POU6F2: variants seen among roughly 807,000 people sequenced by gnomAD.
The protein encoded by POU6F2 is POU class 6 homeobox 2.
Under a neutral mutation model 71.3 loss-of-function variants are expected in POU6F2, and 31 were observed. That is an observed-to-expected ratio of 0.43 (90% confidence interval 0.33 to 0.59). POU6F2 has a LOEUF of 0.59. Among genes scored for constraint, POU6F2 ranks in the 20% least tolerant of loss-of-function variants. POU6F2 has a pLI of 0.04. For missense variants in POU6F2, 783 were observed against 856.8 expected (o/e 0.91, Z 1.07); for synonymous variants, 347 against 355.7 (o/e 0.98, Z 0.27).
intron 1 of POU6F2, among the ~76,000 whole-genome samples, chr7:38,998,120 T>C (rs1447333538): frequency 1.3e-5 from 2 of 152,224 alleles, no homozygotes; most frequent in Non-Finnish European, 2.9e-5. Context: ...AATTTTTAAA[T>C]GATCAAGTCT....
intron 2 of POU6F2, among the ~76,000 whole-genome samples, chr7:39,106,836 C>A (rs1791700409): frequency 6.6e-6 from 1 of 152,100 alleles, no homozygotes; most frequent in African/African-American, 2.4e-5. Context: ...TGATTCCTCA[C>A]CAAATCTGAT....
intron 6 of POU6F2, among the ~76,000 whole-genome samples, chr7:39,429,654 G>T (rs557113621): frequency 6.6e-6 from 1 of 152,274 alleles, no homozygotes; most frequent in Non-Finnish European, 1.5e-5. Context: ...ACATTGAGTG[G>T]CTTGAACAGG....
intron 2 of POU6F2, among the ~76,000 whole-genome samples, chr7:39,124,042 C>G (rs1042784928): frequency 7.9e-6 from 1 of 126,216 alleles, no homozygotes; most frequent in African/African-American, 3.2e-5. Flanking sequence ...CATCCATAGA[C>G]TGGGCCTTTT....
At chr7:38,990,634 G>T (rs931148642) in intron 1 of POU6F2, among the ~76,000 whole-genome samples, 3 of 152,234 alleles carry the variant, frequency 2.0e-5, no homozygotes, top group East Asian at 1.9e-4. Context: ...GGAACATAAT[G>T]CTTGGTAGAG....
At chr7:39,113,422 C>G (rs770151219) in intron 2 of POU6F2, among the ~76,000 whole-genome samples, 3 of 152,074 alleles carry the variant, frequency 2.0e-5, no homozygotes, top group Non-Finnish European at 2.9e-5. Flanking sequence ...GAAAAACAAA[C>G]TTCATGTTTT....
At chr7:39,132,956 A>C (rs574236156) in intron 2 of POU6F2, among the ~76,000 whole-genome samples, 1 of 152,338 alleles carries the variant, frequency 6.6e-6, no homozygotes, top group African/African-American at 2.4e-5. Flanking sequence ...GTCTCTATTA[A>C]GAACATCTCC....
At chr7:39,444,723 T>C (rs1788483717) in intron 7 of POU6F2, among the ~76,000 whole-genome samples, 1 of 152,252 alleles carries the variant, frequency 6.6e-6, no homozygotes, top group South Asian at 2.1e-4. Context: ...ACAGCTGTTG[T>C]GGCATATGGT....
At chr7:39,044,358 A>T (rs1270126973) in intron 1 of POU6F2, among the ~76,000 whole-genome samples, 2 of 151,928 alleles carry the variant, frequency 1.3e-5, no homozygotes, top group Non-Finnish European at 2.9e-5. Context: ...ATAAGAATAC[A>T]TGTCCATATA....
At chr7:39,394,057 T>A (rs1787127782) in intron 5 of POU6F2, among the ~76,000 whole-genome samples, 1 of 152,192 alleles carries the variant, frequency 6.6e-6, no homozygotes, top group African/African-American at 2.4e-5. Flanking sequence ...CCCAAATAAA[T>A]AAAAGACTTC....
At chr7:39,294,417 C>T (rs1477332502) in intron 4 of POU6F2, among the ~76,000 whole-genome samples, 3 of 149,400 alleles carry the variant, frequency 2.0e-5, no homozygotes, top group African/African-American at 7.4e-5. Context: ...CTACACAATC[C>T]ACTGGGGAGA....
Position 39,350,708 on chromosome 7 carries a change from G to A in POU6F2, c.972+10693G>A, listed in dbSNP as rs146769082. ...AGCCTACATGTTATTTTCATTGCTA[G>A]TGAGCCTCTCAAGTGAAAAAGTGAG... On this transcript the variant is annotated intron_variant, in intron 5 of 9. Transcript: ENST00000518318. Among the ~76,000 whole-genome samples the A allele has an allele frequency of 4.2e-3, 635 of 152,346 alleles. 4 individuals are homozygous for A. The highest frequency in any genetic ancestry group is 0.014 in the African/African-American group (581 of 41,582).
intron 2 of POU6F2, among the ~76,000 whole-genome samples, chr7:39,090,682 T>C (rs1469904689): frequency 6.6e-6 from 1 of 151,526 alleles, no homozygotes; most frequent in Non-Finnish European, 1.5e-5. Flanking sequence ...AAAATATGTA[T>C]CATGCTTCTA....
At chr7:39,079,138 T>A (rs1188987911) in intron 1 of POU6F2, among the ~76,000 whole-genome samples, 3 of 148,248 alleles carry the variant, frequency 2.0e-5, no homozygotes, top group Non-Finnish European at 4.5e-5. Flanking sequence ...AACATATTCA[T>A]ACACATTATC....
At chr7:39,309,085 G>GC (rs1785105674) in intron 4 of POU6F2, among the ~76,000 whole-genome samples, 2 of 152,164 alleles carry the variant, frequency 1.3e-5, no homozygotes, top group Non-Finnish European at 2.9e-5. Context: ...CTGTTTGTTT[G>GC]CCCCCCATGT....
At chr7:39,012,597 G>C (rs1171759258) in intron 1 of POU6F2, among the ~76,000 whole-genome samples, 1 of 152,082 alleles carries the variant, frequency 6.6e-6, no homozygotes, top group Admixed American at 6.5e-5. Context: ...GAGGAGAGGC[G>C]CTCTGCATTT....
chr7:39,424,812 A>G (rs540390968), intron 6 of POU6F2, among the ~76,000 whole-genome samples: 96 of 151,262 alleles, frequency 6.3e-4, no homozygotes, highest in African/African-American at 2.3e-3. Context: ...TTGAGGAAAA[A>G]CAAGCACACA....
rs139538014 is a variant in POU6F2 at position 39,070,883 on chromosome 7, G to A, written c.106-14977G>A. Among the ~76,000 whole-genome samples, 1,144 of 152,228 alleles carry A rather than the reference G, an allele frequency of 7.5e-3. 48 individuals carry two copies. The highest frequency in any genetic ancestry group is 0.064 in the Admixed American group (985 of 15,290). Reference sequence around the variant, plus strand: ...TGTCTCTCCCACTGTAATTTTAGCTGCAAGAGGGCCCTGGACTTGATCTGT... The same window carrying A: ...TGTCTCTCCCACTGTAATTTTAGCTACAAGAGGGCCCTGGACTTGATCTGT... On this transcript the variant is annotated intron_variant, in intron 1 of 9. Coordinates refer to ENST00000518318, the MANE Select transcript of POU6F2 (RefSeq NM_001370959.1).
At chr7:39,381,267 T>G (rs1427930888) in intron 5 of POU6F2, among the ~76,000 whole-genome samples, 1 of 152,068 alleles carries the variant, frequency 6.6e-6, no homozygotes, top group East Asian at 1.9e-4. Context: ...AGATGGAGTC[T>G]CACTCTGTTG....
intron 2 of POU6F2, among the ~76,000 whole-genome samples, chr7:39,100,945 C>T (rs940893304): frequency 2.0e-5 from 3 of 152,142 alleles, no homozygotes; most frequent in Non-Finnish European, 4.4e-5. Context: ...CATTCTATGG[C>T]ATGAATTGGG....
Sources: allele counts gnomAD v4.1 joint callset (sites outside exome capture counted in the v4.1 genomes callset), GRCh38; gene constraint gnomAD v4.1.1; transcripts MANE v1.5; gene names NCBI Gene and HGNC (gene_info 2026-07-23, HGNC 2026-07-21).